The following USHBP1 variants were observed in gnomAD, a reference collection of about 807,000 sequenced individuals.
USHBP1 encodes the protein harmonin-binding protein USHBP1.
A neutral mutation model predicts 76.2 loss-of-function variants in USHBP1; 67 were observed. The observed-to-expected ratio is 0.88, with a 90% confidence interval of 0.72 to 1.08. The LOEUF (loss-of-function observed/expected upper bound fraction) is 1.08. Ranked by LOEUF, USHBP1 falls within the 50% of genes least tolerant of loss-of-function variation. The pLI, the probability that USHBP1 is intolerant of heterozygous loss-of-function variation, is 0.00. For synonymous variants in USHBP1, 322 were observed against 362.2 expected (o/e 0.89, Z 1.26); for missense variants, 931 against 915.0 (o/e 1.02, Z -0.23).
rs1361948433 is a variant in USHBP1 at position 17,259,311 on chromosome 19, A to T, written c.1024T>A (p.Leu342Met). The T allele has an allele frequency of 6.2e-7, 1 of 1,613,798 alleles. No homozygotes were observed. The highest frequency in any genetic ancestry group is 1.1e-5 in the South Asian group (1 of 91,074). The change falls in exon 7 of 13, where the codon TTG (leucine) becomes ATG (methionine). Residue 342 changes from leucine to methionine, a missense_variant. Physicochemically the swap from Leu to Met is conservative, Grantham distance 15. Transcript: ENST00000252597. ...GACCTGTACTGCAAGGCCAGATGCAATGCTGTGGCCTCAGCCTCCCGCTGG... is the reference window on the plus strand; with the variant it reads ...GACCTGTACTGCAAGGCCAGATGCATTGCTGTGGCCTCAGCCTCCCGCTGG... ...LGQREAEATA[L>M]HLALQYSEHC...
At chr19:17,261,567 C>T (rs1198167775) in intron 4 of USHBP1, among the ~76,000 whole-genome samples, 1 of 151,484 alleles carries the variant, frequency 6.6e-6, no homozygotes, top group Non-Finnish European at 1.5e-5. Context: ...ATCTCCTGAC[C>T]TCGTGATCTG....
intron 4 of USHBP1, among the ~76,000 whole-genome samples, chr19:17,262,177 G>C (rs1240288893): frequency 6.6e-6 from 1 of 151,292 alleles, no homozygotes; most frequent in Non-Finnish European, 1.5e-5. Context: ...ATTTTTTTTT[G>C]TATTTTTAGT....
rs1599461941 is a variant in USHBP1, at chr19:17,250,060, C to G, written c.*165G>C. The G allele has an allele frequency of 1.4e-6, 1 of 721,212 alleles. No individual in the cohort carries two copies. The highest frequency in any genetic ancestry group is 2.9e-5 in the East Asian group (1 of 34,198). 44.7% of individuals were successfully genotyped at this position (721,212 alleles called of 1,614,324 possible). A position where few individuals can be genotyped will look rare whatever the true frequency, so the allele number is the denominator to read the frequency against. ...AAGACACCTGAGTCTTTCTTCATTGCCTGGCCACACCCCATCAGGCCCTGG... is the reference window on the plus strand; with the variant it reads ...AAGACACCTGAGTCTTTCTTCATTGGCTGGCCACACCCCATCAGGCCCTGG... On this transcript the variant is annotated 3_prime_UTR_variant, in exon 13 of 13. Transcript: ENST00000252597.
intron 10 of USHBP1, among the ~76,000 whole-genome samples, chr19:17,252,324 T>A (rs1208727299): frequency 6.6e-6 from 1 of 151,926 alleles, no homozygotes; most frequent in Non-Finnish European, 1.5e-5. Context: ...GCCTCCCAAG[T>A]AGTTGGGATT....
At chr19:17,251,166 G>GTT (rs1315942809) in intron 12 of USHBP1, among the ~76,000 whole-genome samples, 4 of 66,430 alleles carry the variant, frequency 6.0e-5, no homozygotes, top group African/African-American at 1.9e-4. Flanking sequence ...GGCCCAGCCT[G>GTT]TTGTTTTTTT....
At chr19:17,250,547 T>C (rs2073538034) in intron 12 of USHBP1, 133 bp from the exon 13 acceptor site, 4 of 976,926 alleles carry the variant, frequency 4.1e-6, no homozygotes, top group Non-Finnish European at 5.9e-6. Flanking sequence ...TGGTCTTTTG[T>C]TGTTGTTGTT....
At chr19:17,259,454 G>A in intron 6 of USHBP1, 25 bp from the exon 7 acceptor site, 17 of 1,613,606 alleles carry the variant, frequency 1.1e-5, no homozygotes, top group Non-Finnish European at 1.4e-5. Context: ...GGGGAAGAGG[G>A]AAAGTCAGAG....
At chr19:17,257,221 C>T (rs570998406) in intron 8 of USHBP1, among the ~76,000 whole-genome samples, 90 of 144,532 alleles carry the variant, frequency 6.2e-4, no homozygotes, top group African/African-American at 2.2e-3. Flanking sequence ...TTAGTAGAGA[C>T]GAGGTTTCAC....
At position 17,262,731 on chromosome 19, in the gene USHBP1, C is replaced by T. The variant is rs528877755; in HGVS notation, c.463G>A (p.Gly155Arg). ...TGCTTCCCAAGGGAACCTGCTCCCC[C>T]TTCGCTTGTGCCTTCGAACTCCATC... The part of the protein sequence containing the change: ...GPMEFEGTSE[G>R]GAGSLGKQEG... Residue 155 changes from glycine to arginine, a missense_variant, in exon 4 of 13, where the codon GGG becomes AGG. Transcript: ENST00000252597. The T allele has an allele frequency of 1.4e-5, 22 of 1,614,262 alleles. No homozygotes were observed. In the South Asian group the frequency reaches 2.3e-4, roughly 17 times the overall value.
Position 17,259,592 on chromosome 19 carries a change from T to C in USHBP1, c.905+4A>G. ...CTTATGAGCTCAGCATTTGAGTCTC[T>C]TACCCCCGGAGTTGCTCCATCTGGG... is the stretch of plus-strand genomic sequence containing the variant. On this transcript the variant is annotated splice_donor_region_variant and intron_variant, in intron 6 of 12. Transcript: ENST00000252597. The C allele has an allele frequency of 6.2e-7, 1 of 1,607,574 alleles. No homozygotes were observed. Among genetic ancestry groups the C allele is most frequent in the South Asian group, 1.1e-5 (1 of 90,222 alleles).
chr19:17,255,482 C>T lies in USHBP1; in HGVS notation c.1595G>A (p.Arg532Gln), dbSNP rs139999992. Residue 532 changes from arginine to glutamine, a missense_variant, in exon 10 of 13, where the codon CGG becomes CAG. Arg to Gln is a conservative substitution (Grantham distance 43). Coordinates refer to ENST00000252597, the MANE Select transcript of USHBP1 (RefSeq NM_031941.4). Reference sequence around the variant, plus strand: ...AGCCTGGAGCTCTGCCCGTTCCCACCGCAGCTGCTCCAGCAGGAGCACGTG... The same window carrying T: ...AGCCTGGAGCTCTGCCCGTTCCCACTGCAGCTGCTCCAGCAGGAGCACGTG... ...PAHVLLLEQL[R>Q]WERAELQAGG... 2.1e-4 allele frequency: 333 copies of T among 1,613,994 alleles called. No individual in the cohort carries two copies. The highest frequency in any genetic ancestry group is 1.3e-3 in the Admixed American group (78 of 60,010).
intron 12 of USHBP1, 98 bp downstream of exon 12, chr19:17,251,484 A>C (rs1015193886): frequency 2.7e-5 from 41 of 1,514,416 alleles, no homozygotes; most frequent in Non-Finnish European, 3.6e-5. Flanking sequence ...ATCTTGGGGC[A>C]GTGGGGAATG....
Position 17,257,060 on chromosome 19 carries a change from G to A in USHBP1, c.1221-340C>T, listed in dbSNP as rs181761751. The stretch of plus-strand genomic sequence containing the variant: ...TTTTGAGACGCAGTCTTGCTCTGTC[G>A]CCCAGGCTGGAGTGCAGTGGCATAA... On this transcript the variant is annotated intron_variant, in intron 8 of 12. Transcript: ENST00000252597. Among the ~76,000 whole-genome samples the A allele has an allele frequency of 9.0e-3, 1,311 of 146,054 alleles. 17 individuals are homozygous for A. The highest frequency in any genetic ancestry group is 0.032 in the African/African-American group (1,258 of 39,524).
intron 10 of USHBP1, among the ~76,000 whole-genome samples, chr19:17,253,994 G>A (rs1343490914): frequency 6.6e-6 from 1 of 151,292 alleles, no homozygotes; most frequent in Non-Finnish European, 1.5e-5. Context: ...GATCACCTGA[G>A]GTCAGGAGTT....
chr19:17,258,016 A>C (rs1278056569), intron 8 of USHBP1, among the ~76,000 whole-genome samples, 196 bp downstream of exon 8: 1 of 152,136 alleles, frequency 6.6e-6, no homozygotes, highest in Non-Finnish European at 1.5e-5. Flanking sequence ...TCTGTCAACC[A>C]CCATGCCAAC....
rs2073605866 is a variant in USHBP1 at position 17,255,406 on chromosome 19, C to G, written c.1671G>C (p.Gly557=). ...GGHSSGGGSS[G]DEEEWYQGLP... ...TCACCTGATACCACTCTTCCTCGTC[C>G]CCGCTGCTGCCACCTCCGCTGCTAT... Residue 557 remains glycine, a synonymous_variant, in exon 10 of 13, where the codon GGG becomes GGC. Transcript: ENST00000252597. 1 of 1,614,072 alleles carries G rather than the reference C, an allele frequency of 6.2e-7. No individual in the cohort carries two copies. Among genetic ancestry groups the G allele is most frequent in the Non-Finnish European group, 8.5e-7 (1 of 1,179,952 alleles).
At position 17,255,525 on chromosome 19, in the gene USHBP1, G is replaced by C. The variant is rs201739971; in HGVS notation, c.1552C>G (p.Arg518Gly). Residue 518 changes from arginine (R) to glycine (G), a missense_variant, in exon 10 of 13, where the codon CGA (arginine) becomes GGA (glycine). Coordinates refer to ENST00000252597, the MANE Select transcript of USHBP1 (RefSeq NM_031941.4). ...RGLELREAAL[R>G]ALGPAHVLLL... Reference sequence around the variant, plus strand: ...AGCACGTGAGCTGGACCCAGGGCTCGGAGGGCAGCCTCCCGCAGCTCTAGG... The same window carrying C: ...AGCACGTGAGCTGGACCCAGGGCTCCGAGGGCAGCCTCCCGCAGCTCTAGG... 2.5e-6 allele frequency: 4 copies of C among 1,613,686 alleles called. No homozygotes were observed. In the African/African-American group the frequency reaches 4.0e-5, roughly 16 times the overall value.
chr19:17,256,358 A>G, intron 9 of USHBP1, 113 bp downstream of exon 9: 1 of 1,466,542 alleles, frequency 6.8e-7, no homozygotes, highest in South Asian at 1.3e-5. Context: ...CTCCCTTCAC[A>G]ATGCCTGCAC....
intron 7 of USHBP1, 42 bp from the exon 8 acceptor site, chr19:17,258,427 G>T: frequency 1.9e-6 from 3 of 1,587,264 alleles, no homozygotes; most frequent in Non-Finnish European, 2.6e-6. Flanking sequence ...CACTCAGCTC[G>T]GCTGGGTGCA....
Sources: allele counts gnomAD v4.1 joint callset (sites outside exome capture counted in the v4.1 genomes callset), GRCh38; gene constraint gnomAD v4.1.1; transcripts MANE v1.5; gene names NCBI Gene and HGNC (gene_info 2026-07-23, HGNC 2026-07-21).